The following UNC13C variants were observed in gnomAD, a reference collection of about 807,000 sequenced individuals.
UNC13C encodes unc-13 homolog C.
UNC13C carries 174 observed loss-of-function variants against 245.4 expected under a neutral mutation model. The ratio of observed to expected loss-of-function variants is 0.71; its 90% confidence interval spans 0.63 to 0.80. UNC13C has a LOEUF of 0.80. UNC13C is among the 30% of genes least tolerant of loss of function. The probability of loss-of-function intolerance (pLI) is 0.00; values close to 1 mark genes in which losing one functional copy is unlikely to be tolerated. For synonymous variants in UNC13C, 992 were observed against 895.1 expected (o/e 1.11, Z -1.93); for missense variants, 2,829 against 2,602.9 (o/e 1.09, Z -1.89).
At chr15:54,610,113 T>G (rs893891807) in intron 30 of UNC13C, among the ~76,000 whole-genome samples, 2 of 152,200 alleles carry the variant, frequency 1.3e-5, no homozygotes, top group African/African-American at 4.8e-5. Context: ...ATTGTAGTTT[T>G]TTTTTAAATA....
intron 16 of UNC13C, among the ~76,000 whole-genome samples, chr15:54,336,353 A>G (rs1256527725): frequency 2.7e-5 from 4 of 148,814 alleles, no homozygotes; most frequent in Non-Finnish European, 6.0e-5. Context: ...TCGAGTTTTG[A>G]GAGTTTTTAT....
intron 24 of UNC13C, among the ~76,000 whole-genome samples, chr15:54,517,583 C>G (rs1895035790): frequency 6.6e-6 from 1 of 152,098 alleles, no homozygotes; most frequent in East Asian, 1.9e-4. Flanking sequence ...AGCACCTCTT[C>G]CTCTTGGGGC....
intron 5 of UNC13C, among the ~76,000 whole-genome samples, chr15:54,236,009 AT>A (rs1273308097): frequency 7.8e-6 from 1 of 128,044 alleles, no homozygotes; most frequent in Non-Finnish European, 1.6e-5. Flanking sequence ...CATGGCCTAC[AT>A]TAGATTGTAA....
chr15:54,343,287 C>A (rs1221346686), intron 17 of UNC13C, among the ~76,000 whole-genome samples: 1 of 152,114 alleles, frequency 6.6e-6, no homozygotes, highest in Non-Finnish European at 1.5e-5. Flanking sequence ...AGGCCCACCA[C>A]CACGCCTGGC....
At chr15:54,179,874 G>A (rs1203237480) in intron 4 of UNC13C, among the ~76,000 whole-genome samples, 3 of 151,610 alleles carry the variant, frequency 2.0e-5, no homozygotes, top group Admixed American at 6.6e-5. Context: ...CAAAGAAAAG[G>A]AAAAAATATT....
At chr15:54,011,284 T>C (rs1895371498) in intron 1 of UNC13C, among the ~76,000 whole-genome samples, 1 of 152,166 alleles carries the variant, frequency 6.6e-6, no homozygotes, top group Non-Finnish European at 1.5e-5. Flanking sequence ...AAACTTTTTC[T>C]AACAATTGTT....
At chr15:54,161,524 G>T (rs2032974149) in intron 4 of UNC13C, among the ~76,000 whole-genome samples, 1 of 151,988 alleles carries the variant, frequency 6.6e-6, no homozygotes, top group African/African-American at 2.4e-5. Flanking sequence ...AATAACAACT[G>T]CCAGAATTTC....
chr15:53,938,585 C>T, the UNC13C span, among the ~76,000 whole-genome samples: 1 of 152,136 alleles, frequency 6.6e-6, no homozygotes, highest in Middle Eastern at 3.2e-3. Flanking sequence ...GATACTTACT[C>T]CAAAATTGGT....
chr15:54,452,546 A>G lies in UNC13C; in HGVS notation c.4933+37479A>G, dbSNP rs144038045. Among the ~76,000 whole-genome samples the G allele has an allele frequency of 2.3e-3, 352 of 152,338 alleles. 3 individuals are homozygous for G. Among genetic ancestry groups the G allele is most frequent in the African/African-American group, 8.1e-3 (335 of 41,580 alleles). On this transcript the variant is annotated intron_variant, in intron 19 of 32. Transcript: ENST00000260323. ...TGCAAATGCTGGTGGATAGGGCAGGACAATCCCAAGATTCCTGGACAGCAT... is the reference window on the plus strand; with the variant it reads ...TGCAAATGCTGGTGGATAGGGCAGGGCAATCCCAAGATTCCTGGACAGCAT...
the UNC13C span, among the ~76,000 whole-genome samples, chr15:53,923,157 A>G: frequency 2.0e-5 from 3 of 152,238 alleles, no homozygotes; most frequent in African/African-American, 7.2e-5. Flanking sequence ...TAAGATTCAG[A>G]TCAAATGACA....
At chr15:54,271,389 T>C (rs2036684600) in intron 10 of UNC13C, among the ~76,000 whole-genome samples, 1 of 152,242 alleles carries the variant, frequency 6.6e-6, no homozygotes, top group African/African-American at 2.4e-5. Flanking sequence ...AATTATGACC[T>C]TCAATTTCAC....
chr15:54,504,764 A>G (rs1894391573), intron 22 of UNC13C, among the ~76,000 whole-genome samples: 1 of 152,180 alleles, frequency 6.6e-6, no homozygotes, highest in Admixed American at 6.6e-5. Flanking sequence ...GAAAAGATGG[A>G]TTTTGAACCA....
chr15:53,939,941 C>T, the UNC13C span, among the ~76,000 whole-genome samples: 36 of 152,130 alleles, frequency 2.4e-4, 1 homozygote, highest in African/African-American at 8.2e-4. Context: ...GAGAGAGATC[C>T]TGGGGTCGTT....
At chr15:54,058,055 G>A (rs1298214800) in intron 2 of UNC13C, among the ~76,000 whole-genome samples, 1 of 152,080 alleles carries the variant, frequency 6.6e-6, no homozygotes, top group Admixed American at 6.5e-5. Context: ...AAAAGAAGTA[G>A]AGAACCAAGA....
At chr15:54,009,871 C>A (rs1895306372) in intron 1 of UNC13C, among the ~76,000 whole-genome samples, 1 of 152,124 alleles carries the variant, frequency 6.6e-6, no homozygotes, top group African/African-American at 2.4e-5. Flanking sequence ...TGCAGGTAAT[C>A]TGGATCAAGG....
chr15:54,434,027 G>T (rs2040928364), intron 19 of UNC13C, among the ~76,000 whole-genome samples: 1 of 151,966 alleles, frequency 6.6e-6, no homozygotes, highest in Non-Finnish European at 1.5e-5. Context: ...ACATACAAGG[G>T]ACATGAAGGA....
chr15:54,614,624 G>GATTAAAATTCTAGGATCATATA (rs1270769644), intron 30 of UNC13C, among the ~76,000 whole-genome samples: 6 of 151,884 alleles, frequency 4.0e-5, no homozygotes, highest in Non-Finnish European at 8.8e-5. Flanking sequence ...AAACTGGCTG[G>GATTAAAATTCTAGGATCATATA]ATTAAAATTC....
chr15:53,987,765 C>T (rs571230975), intron 1 of UNC13C, among the ~76,000 whole-genome samples: 54 of 152,100 alleles, frequency 3.6e-4, no homozygotes, highest in Non-Finnish European at 7.2e-4. Flanking sequence ...GATGTGACTG[C>T]GTTTACATTT....
intron 14 of UNC13C, among the ~76,000 whole-genome samples, chr15:54,322,785 G>C (rs1157158497): frequency 6.6e-6 from 1 of 151,972 alleles, no homozygotes; most frequent in Admixed American, 6.6e-5. Flanking sequence ...CTAGTAAAGT[G>C]GTAAGAGTCA....
Sources: gnomAD v4.1 joint callset for allele counts (sites outside exome capture counted in the v4.1 genomes callset) on GRCh38, gnomAD v4.1.1 for gene constraint, MANE v1.5 for transcripts, NCBI Gene and HGNC (gene_info 2026-07-23, HGNC 2026-07-21) for gene names.